The following LHCGR variants were observed in gnomAD, a reference collection of about 807,000 sequenced individuals.
LHCGR encodes luteinizing hormone/choriogonadotropin receptor.
In LHCGR, 55 loss-of-function variants were observed where a neutral mutation model predicts 60.7. That is an observed-to-expected ratio of 0.91 (90% CI 0.73 to 1.13). The LOEUF (loss-of-function observed/expected upper bound fraction) is 1.13, where lower values mean the gene tolerates loss of function less well. LHCGR is among the 50% of genes most tolerant of loss of function. The probability of loss-of-function intolerance (pLI) is 0.00; values close to 1 mark genes in which losing one functional copy is unlikely to be tolerated. For synonymous variants in LHCGR, 337 were observed against 316.5 expected, an observed-to-expected ratio of 1.06 and a Z score of -0.69; for missense variants, 862 against 836.0, an observed-to-expected ratio of 1.03 and a Z score of -0.38.
chr2:48,721,867 G>T (rs900501767), intron 6 of LHCGR: 1 of 453,734 alleles, frequency 2.2e-6, no homozygotes, highest in Non-Finnish European at 4.5e-6. Context: ...ATAAAGAAAT[G>T]AGGCCGGGGG....
At chr2:48,743,919 C>T (rs1288923027) in intron 1 of LHCGR, among the ~76,000 whole-genome samples, 6 of 151,092 alleles carry the variant, frequency 4.0e-5, no homozygotes, top group South Asian at 4.2e-4. Flanking sequence ...TGTTTGCAGA[C>T]GACGTGATTG....
chr2:48,729,080 C>G (rs1668869576), intron 3 of LHCGR, 73 bp downstream of exon 3: 19 of 1,169,364 alleles, frequency 1.6e-5, no homozygotes, highest in Non-Finnish European at 2.4e-5. Context: ...TGCTTGAATA[C>G]AAATACCAAG....
chr2:48,720,295 C>T (rs1668441767), intron 6 of LHCGR: 1 of 152,164 alleles, frequency 6.6e-6, no homozygotes, highest in South Asian at 2.1e-4. Flanking sequence ...ATTATCCCAA[C>T]ATTGGTTTTC....
chr2:48,709,733 C>T (rs1667884544), intron 7 of LHCGR, among the ~76,000 whole-genome samples: 1 of 152,178 alleles, frequency 6.6e-6, no homozygotes, highest in African/African-American at 2.4e-5. Flanking sequence ...GCTCTGCTGC[C>T]TTGAGCTCAA....
At chr2:48,746,433 A>G (rs1349352098) in intron 1 of LHCGR, among the ~76,000 whole-genome samples, 2 of 152,188 alleles carry the variant, frequency 1.3e-5, no homozygotes, top group Non-Finnish European at 1.5e-5. Flanking sequence ...ATAAAGAACA[A>G]CCTTCAATTA....
intron 10 of LHCGR, among the ~76,000 whole-genome samples, chr2:48,692,453 A>G (rs1572813831): frequency 6.6e-6 from 1 of 152,096 alleles, no homozygotes; most frequent in Non-Finnish European, 1.5e-5. Flanking sequence ...CTGGTGATTT[A>G]TCTTTGGACT....
At chr2:48,726,514 C>T (rs946838329) in intron 3 of LHCGR, among the ~76,000 whole-genome samples, 1 of 152,200 alleles carries the variant, frequency 6.6e-6, no homozygotes, top group African/African-American at 2.4e-5. Flanking sequence ...CCTCATTCCC[C>T]TAATTACTGT....
chr2:48,741,216 T>G (rs1669436427), intron 1 of LHCGR, among the ~76,000 whole-genome samples: 2 of 152,178 alleles, frequency 1.3e-5, no homozygotes, highest in African/African-American at 4.8e-5. Context: ...TACGTCTGAT[T>G]GGTGTACCTG....
intron 1 of LHCGR, among the ~76,000 whole-genome samples, chr2:48,736,097 C>T (rs1669195449): frequency 6.6e-6 from 1 of 152,170 alleles, no homozygotes; most frequent in Non-Finnish European, 1.5e-5. Context: ...AGCCATGCTT[C>T]CTGTACAGCC....
chr2:48,755,588 C>A lies in LHCGR; in HGVS notation c.84G>T (p.Ala28=). The change falls in exon 1 of 11, where the codon GCG becomes GCT. Residue 28 remains alanine, a synonymous_variant. Coordinates refer to ENST00000294954, the MANE Select transcript of LHCGR (RefSeq NM_000233.4). ...QPPLPRALRE[A]LCPEPCNCVP... ...CGCAGTTGCAGGGCTCAGGGCAGAG[C>A]GCCTCGCGCAGCGCTCGTGGCAGCG... The A allele has an allele frequency of 1.9e-6, 3 of 1,538,750 alleles. No individual in the cohort carries two copies. The highest frequency in any genetic ancestry group is 2.6e-6 in the Non-Finnish European group (3 of 1,145,642).
intron 10 of LHCGR, among the ~76,000 whole-genome samples, chr2:48,691,645 A>T (rs888969380): frequency 6.6e-6 from 1 of 152,156 alleles, no homozygotes; most frequent in Non-Finnish European, 1.5e-5. Context: ...CAGGAGTTTG[A>T]GACCAGCCTG....
intron 10 of LHCGR, among the ~76,000 whole-genome samples, chr2:48,691,854 A>G (rs1334401278): frequency 6.6e-6 from 1 of 152,066 alleles, no homozygotes. Flanking sequence ...TCAAAAAAAA[A>G]AAAAAAAAAA....
At chr2:48,722,234 T>A (rs985201948) in intron 6 of LHCGR, among the ~76,000 whole-genome samples, 1 of 152,164 alleles carries the variant, frequency 6.6e-6, no homozygotes, top group African/African-American at 2.4e-5. Context: ...TGGCAGGGAT[T>A]CCAGAGGGAA....
At chr2:48,751,177 T>C (rs1430765680) in intron 1 of LHCGR, among the ~76,000 whole-genome samples, 1 of 152,204 alleles carries the variant, frequency 6.6e-6, no homozygotes, top group Non-Finnish European at 1.5e-5. Context: ...TCATGGTTTT[T>C]ACTTAATGCC....
chr2:48,742,681 G>A (rs547442265), intron 1 of LHCGR, among the ~76,000 whole-genome samples: 13 of 151,994 alleles, frequency 8.6e-5, no homozygotes, highest in African/African-American at 2.2e-4. Flanking sequence ...TCTCTGGGAC[G>A]CATTCAAAGC....
chr2:48,753,525 G>T (rs944220902), intron 1 of LHCGR, among the ~76,000 whole-genome samples: 1 of 152,132 alleles, frequency 6.6e-6, no homozygotes, highest in Admixed American at 6.5e-5. Context: ...GATGCTCAGG[G>T]TCTCTACCCC....
At chr2:48,721,303 C>G (rs1668483405) in intron 6 of LHCGR, 1 of 166,586 alleles carries the variant, frequency 6.0e-6, no homozygotes. Flanking sequence ...AGTTCCAGAT[C>G]CATTATGCAA....
rs1679915071 is a variant in LHCGR at position 48,686,799 on chromosome 2, A to T, written c.*898T>A. 6.6e-6 allele frequency: 1 copy of T among 152,176 alleles called. No homozygotes were observed. The highest frequency in any genetic ancestry group is 2.4e-5 in the African/African-American group (1 of 41,438). 9.4% of individuals were successfully genotyped at this position (152,176 alleles called of 1,614,324 possible). A position where few individuals can be genotyped will look rare whatever the true frequency, so the allele number is the denominator to read the frequency against. ...TTATTTTTAAATATTTAAACATTTT[A>T]TTTCATTCAAATAAAAATATAAGCT... is the stretch of plus-strand genomic sequence containing the variant. On this transcript the variant is annotated 3_prime_UTR_variant, in exon 11 of 11. Coordinates refer to ENST00000294954, the MANE Select transcript of LHCGR (RefSeq NM_000233.4).
chr2:48,733,067 C>T (rs1046119549), intron 1 of LHCGR: 3 of 465,258 alleles, frequency 6.4e-6, no homozygotes, highest in East Asian at 5.8e-5. Flanking sequence ...TTGCTCTCTG[C>T]ACTGCCAAAC....
Sources: allele counts gnomAD v4.1 joint callset (sites outside exome capture counted in the v4.1 genomes callset), GRCh38; gene constraint gnomAD v4.1.1; transcripts MANE v1.5; gene names NCBI Gene and HGNC (gene_info 2026-07-23, HGNC 2026-07-21).